Variants in UPP1 observed in about 807,000 individuals in gnomAD.
UPP1 encodes uridine phosphorylase 1.
UPP1 carries 25 observed loss-of-function variants against 29.6 expected under a neutral mutation model. The observed-to-expected ratio is 0.85, with a 90% CI of 0.62 to 1.18. The LOEUF (loss-of-function observed/expected upper bound fraction) is 1.18, where lower values mean the gene tolerates loss of function less well. UPP1 is among the 50% of genes most tolerant of loss of function. The pLI, the probability that UPP1 is intolerant of heterozygous loss-of-function variation, is 0.00. For missense variants in UPP1, 368 were observed against 410.4 expected (o/e 0.90, Z 0.89); for synonymous variants, 165 against 159.8 (o/e 1.03, Z -0.25).
Position 48,107,078 on chromosome 7 carries a change from T to C in UPP1, c.642T>C (p.Tyr214=). The C allele has an allele frequency of 6.2e-7, 1 of 1,611,536 alleles. No homozygotes were observed. The change falls in exon 7 of 9, where the codon TAT becomes TAC. Residue 214 remains tyrosine, a synonymous_variant. Transcript: ENST00000395564. Reference sequence around the variant, plus strand: ...ACACCATGTGCACCTTGGACTTCTATGAAGGTGAGGCAGCGGATACGAGGA... The same window carrying C: ...ACACCATGTGCACCTTGGACTTCTACGAAGGTGAGGCAGCGGATACGAGGA... The part of the protein sequence containing the change: ...VGNTMCTLDF[Y]EGQGRLDGAL...
intron 2 of UPP1, among the ~76,000 whole-genome samples, chr7:48,094,305 C>G (rs80094289): frequency 6.6e-6 from 1 of 151,426 alleles, no homozygotes; most frequent in East Asian, 1.9e-4. Context: ...CCTCTGCCTC[C>G]CAGGTTCAAG....
At chr7:48,104,161 T>C (rs751238311) in intron 6 of UPP1, among the ~76,000 whole-genome samples, 5 of 151,988 alleles carry the variant, frequency 3.3e-5, no homozygotes, top group Non-Finnish European at 5.9e-5. Flanking sequence ...GAGGTTGCAG[T>C]GAGCCAACAT....
At chr7:48,099,859 C>A (rs1583868238) in intron 4 of UPP1, 72 bp downstream of exon 4, 2 of 989,370 alleles carry the variant, frequency 2.0e-6, no homozygotes, top group Non-Finnish European at 1.6e-6. Flanking sequence ...ACAGGTAGAC[C>A]AACCCACAAA....
chr7:48,103,826 G>A (rs766474672), intron 6 of UPP1: 4 of 1,290,016 alleles, frequency 3.1e-6, no homozygotes, highest in African/African-American at 3.0e-5. Context: ...AAAATCAAAG[G>A]GGGGAAGAGA....
At position 48,097,288 on chromosome 7, in the gene UPP1, C is replaced by T. The variant is rs570267210; in HGVS notation, c.45-2382C>T. On this transcript the variant is annotated intron_variant, in intron 3 of 8. Transcript: ENST00000395564. The stretch of plus-strand genomic sequence containing the variant: ...TTACTCTGTTACCTAGGCTGGAGTG[C>T]AGTGGTGTGATCAGGGCTCACTGCA... Among the ~76,000 whole-genome samples the T allele has an allele frequency of 1.6e-4, 24 of 151,980 alleles. No homozygotes were observed. In the South Asian group the frequency reaches 4.6e-3, roughly 29 times the overall value.
Position 48,108,435 on chromosome 7 carries a change from A to G in UPP1, c.*78A>G, listed in dbSNP as rs1236194536. 11 of 1,488,668 alleles carry G rather than the reference A, an allele frequency of 7.4e-6. No homozygotes were observed. Among genetic ancestry groups the G allele is most frequent in the Non-Finnish European group, 1.0e-5 (11 of 1,099,852 alleles). The allele number at this position is 1,488,668 out of a possible 1,614,324, so 92.2% of individuals were successfully genotyped here. Reference sequence around the variant, plus strand: ...TTGTCCAAAATCCCCTGTTGTGTGGACTTTGAGCACACTTTACACAAGAAT... The same window carrying G: ...TTGTCCAAAATCCCCTGTTGTGTGGGCTTTGAGCACACTTTACACAAGAAT... On this transcript the variant is annotated 3_prime_UTR_variant, in exon 9 of 9. Coordinates refer to ENST00000395564, the MANE Select transcript of UPP1 (RefSeq NM_003364.4).
At chr7:48,098,578 G>A (rs1404055752) in intron 3 of UPP1, among the ~76,000 whole-genome samples, 1 of 152,114 alleles carries the variant, frequency 6.6e-6, no homozygotes, top group Non-Finnish European at 1.5e-5. Flanking sequence ...GACAATGTCT[G>A]TGAGGGGGGT....
intron 6 of UPP1, chr7:48,104,138 A>C: frequency 8.9e-6 from 2 of 224,108 alleles, no homozygotes; most frequent in Non-Finnish European, 1.8e-5. Context: ...GAATCGCTTG[A>C]ACCCGGGAGG....
chr7:48,099,893 G>A lies in UPP1; in HGVS notation c.162+106G>A, dbSNP rs1792329311. 8 of 761,356 alleles carry A rather than the reference G, an allele frequency of 1.1e-5. No homozygotes were observed. The Admixed American group carries it at 1.6e-4, about 15-fold the overall frequency. The allele number at this position is 761,356 out of a possible 1,614,324, so 47.2% of individuals were successfully genotyped here. The stretch of plus-strand genomic sequence containing the variant: ...AATGCTTGAGAGACCACAGCTGACA[G>A]GTTTATGAAGACATAATGTTTACCA... On this transcript the variant is annotated intron_variant, in intron 4 of 8. Coordinates refer to ENST00000395564, the MANE Select transcript of UPP1 (RefSeq NM_003364.4).
At chr7:48,103,220 C>T (rs1792529355) in intron 5 of UPP1, 77 bp from the exon 6 acceptor site, 3 of 1,070,878 alleles carry the variant, frequency 2.8e-6, no homozygotes, top group Non-Finnish European at 4.4e-6. Context: ...GATTGAATTA[C>T]ATCACATGAA....
chr7:48,107,170 T>C (rs758171410), intron 7 of UPP1, 88 bp downstream of exon 7: 47 of 1,515,246 alleles, frequency 3.1e-5, no homozygotes, highest in Admixed American at 7.2e-5. Context: ...GACTGGCGTT[T>C]CCACTTGCCA....
At position 48,108,250 on chromosome 7, in the gene UPP1, C is replaced by T. The variant is rs1322016191; in HGVS notation, c.826C>T (p.Leu276=). 6 of 1,613,712 alleles carry T rather than the reference C, an allele frequency of 3.7e-6. No homozygotes were observed. In the Admixed American group the frequency reaches 8.3e-5, roughly 22 times the overall value. The change falls in exon 9 of 9, where the codon CTG becomes TTG. Residue 276 remains leucine (L), a synonymous_variant. Transcript: ENST00000395564. ...AVVCVTLLNR[L]EGDQISSPRN... Reference sequence around the variant, plus strand: ...GGTGTGTGTCACCCTCCTGAACCGCCTGGAAGGGGACCAGATCAGCAGCCC... The same window carrying T: ...GGTGTGTGTCACCCTCCTGAACCGCTTGGAAGGGGACCAGATCAGCAGCCC...
At chr7:48,102,108 A>G in intron 5 of UPP1, 126 bp downstream of exon 5, 1 of 1,055,632 alleles carries the variant, frequency 9.5e-7, no homozygotes, top group Non-Finnish European at 1.4e-6. Context: ...GAGCAGGGTG[A>G]GCCCACAGTA....
chr7:48,107,238 CATT>C, intron 7 of UPP1, 120 bp from the exon 8 acceptor site: 1 of 1,416,036 alleles, frequency 7.1e-7, no homozygotes, highest in Admixed American at 1.9e-5. Flanking sequence ...TTTGAGTGGT[CATT>C]ATAGGCAGGA....
In UPP1 at chr7:48,107,018, T is replaced by C; in HGVS notation, c.582T>C (p.Ser194=). The C allele has an allele frequency of 6.2e-7, 1 of 1,612,730 alleles. No homozygotes were observed. The highest frequency in any genetic ancestry group is 8.5e-7 in the Non-Finnish European group (1 of 1,179,930). The change falls in exon 7 of 9, where the codon TCT becomes TCC. Residue 194 remains serine (S), a synonymous_variant. Transcript: ENST00000395564. The part of the protein sequence containing the change: ...KKLVQELLLC[S]AELSEFTTVV... ...TGGTGCAGGAGCTGTTGCTGTGTTC[T>C]GCAGAGCTGAGCGAGTTCACCACAG...
At chr7:48,097,420 G>A (rs1232697443) in intron 3 of UPP1, among the ~76,000 whole-genome samples, 2 of 152,032 alleles carry the variant, frequency 1.3e-5, no homozygotes, top group Middle Eastern at 3.2e-3. Flanking sequence ...TTTCTGTAGA[G>A]TCAGGGTTTC....
At chr7:48,100,910 CTT>C (rs148106734) in intron 4 of UPP1, among the ~76,000 whole-genome samples, 1 of 150,102 alleles carries the variant, frequency 6.7e-6, no homozygotes. Flanking sequence ...TATCTTCAGA[CTT>C]TTTTTTTTAA....
chr7:48,094,852 T>C, intron 3 of UPP1, 25 bp downstream of exon 3: 1 of 1,602,802 alleles, frequency 6.2e-7, no homozygotes, highest in Admixed American at 1.7e-5. Context: ...CATTCCAGGT[T>C]GGGTTGGGTG....
chr7:48,099,635 T>C (rs746999368), intron 3 of UPP1, 35 bp from the exon 4 acceptor site: 2 of 1,467,428 alleles, frequency 1.4e-6, no homozygotes, highest in Non-Finnish European at 1.9e-6. Flanking sequence ...GGCACTGATG[T>C]TCTATAAGCC....
Sources: gnomAD v4.1 joint callset for allele counts (sites outside exome capture counted in the v4.1 genomes callset) on GRCh38, gnomAD v4.1.1 for gene constraint, MANE v1.5 for transcripts, NCBI Gene and HGNC (gene_info 2026-07-23, HGNC 2026-07-21) for gene names.